Variants in CTNNA2 observed in about 807,000 individuals in gnomAD.
The protein encoded by CTNNA2 is catenin alpha 2.
Under a neutral mutation model 101.0 loss-of-function variants are expected in CTNNA2, and 42 were observed. The ratio of observed to expected loss-of-function variants is 0.42; its 90% confidence interval spans 0.32 to 0.54. The LOEUF (loss-of-function observed/expected upper bound fraction) is 0.54, where lower values mean the gene tolerates loss of function less well. CTNNA2 is among the 20% of genes least tolerant of loss of function. CTNNA2 has a pLI of 0.14. For synonymous variants in CTNNA2, 450 were observed against 456.4 expected (o/e 0.99, Z 0.18); for missense variants, 871 against 1,223.1 (o/e 0.71, Z 4.29).
intron 3 of CTNNA2, among the ~76,000 whole-genome samples, chr2:79,324,750 G>A (rs957139707): frequency 6.7e-6 from 1 of 149,742 alleles, no homozygotes; most frequent in African/African-American, 2.5e-5. Context: ...ACACACACAC[G>A]TACACACACT....
intron 18 of CTNNA2, among the ~76,000 whole-genome samples, chr2:80,637,491 GAGAGGAAGAA>G (rs986224791): frequency 6.6e-6 from 1 of 152,080 alleles, no homozygotes; most frequent in Non-Finnish European, 1.5e-5. Context: ...GAGTGCACAG[GAGAGGAAGAA>G]AGAGGTGGGG....
At chr2:80,507,834 G>A (rs1056838354) in intron 9 of CTNNA2, among the ~76,000 whole-genome samples, 4 of 152,142 alleles carry the variant, frequency 2.6e-5, no homozygotes, top group Non-Finnish European at 5.9e-5. Flanking sequence ...TATGAAGATG[G>A]AAACAAATTT....
At chr2:80,589,262 C>G (rs1696234307) in intron 14 of CTNNA2, 42 bp from the exon 15 acceptor site, 1 of 1,602,070 alleles carries the variant, frequency 6.2e-7, no homozygotes. Context: ...GTCTGTACTT[C>G]CTTTGTCACC....
intron 7 of CTNNA2, among the ~76,000 whole-genome samples, chr2:80,049,326 C>G (rs1028254553): frequency 6.6e-6 from 1 of 152,034 alleles, no homozygotes; most frequent in Non-Finnish European, 1.5e-5. Flanking sequence ...TGACATCAAC[C>G]GTCATCTGAA....
At chr2:79,736,107 T>C (rs952171648) in intron 2 of CTNNA2, among the ~76,000 whole-genome samples, 20 of 152,352 alleles carry the variant, frequency 1.3e-4, no homozygotes, top group Admixed American at 5.9e-4. Flanking sequence ...TAGTTTTTAA[T>C]GAAGCTGAAA....
chr2:80,025,502 G>C (rs916803022), intron 7 of CTNNA2, among the ~76,000 whole-genome samples: 5 of 152,202 alleles, frequency 3.3e-5, no homozygotes, highest in Non-Finnish European at 5.9e-5. Context: ...GGAAAAGGGA[G>C]CAGCTCATGC....
chr2:79,188,893 GTTAT>G (rs2104155588), intron 1 of CTNNA2, among the ~76,000 whole-genome samples: 1 of 152,278 alleles, frequency 6.6e-6, no homozygotes, highest in African/African-American at 2.4e-5. Context: ...AATACACAAT[GTTAT>G]TTATTTGATT....
intron 6 of CTNNA2, among the ~76,000 whole-genome samples, chr2:79,878,805 G>A (rs546767956): frequency 3.3e-5 from 5 of 152,234 alleles, no homozygotes; most frequent in African/African-American, 1.2e-4. Flanking sequence ...CTTTTGCTGT[G>A]CAGAAGCTCT....
At chr2:80,185,593 T>G (rs1213425055) in intron 7 of CTNNA2, among the ~76,000 whole-genome samples, 2 of 152,202 alleles carry the variant, frequency 1.3e-5, no homozygotes, top group South Asian at 2.1e-4. Flanking sequence ...TTCAGAGTCT[T>G]GAGCATGCTA....
chr2:79,413,551 T>C (rs1351664416), intron 4 of CTNNA2, among the ~76,000 whole-genome samples: 8 of 152,086 alleles, frequency 5.3e-5, no homozygotes, highest in Admixed American at 5.3e-4. Context: ...CTTTGACATA[T>C]TCATTTCATT....
chr2:79,554,761 A>G (rs924083259), intron 1 of CTNNA2, among the ~76,000 whole-genome samples: 1 of 152,200 alleles, frequency 6.6e-6, no homozygotes, highest in Non-Finnish European at 1.5e-5. Context: ...TTCCACAGAA[A>G]TGGAGGTTAT....
chr2:79,236,640 C>T (rs192012917), intron 2 of CTNNA2, among the ~76,000 whole-genome samples: 1 of 152,192 alleles, frequency 6.6e-6, no homozygotes, highest in African/African-American at 2.4e-5. Flanking sequence ...CTCTCCCAAA[C>T]CCTGACACTA....
At chr2:79,389,372 A>T (rs187370394) in intron 4 of CTNNA2, among the ~76,000 whole-genome samples, 1 of 152,320 alleles carries the variant, frequency 6.6e-6, no homozygotes, top group African/African-American at 2.4e-5. Flanking sequence ...TTAAATTTTC[A>T]TGAGACTAGA....
chr2:79,341,172 C>A (rs140534250), intron 3 of CTNNA2, among the ~76,000 whole-genome samples: 1 of 152,180 alleles, frequency 6.6e-6, no homozygotes, highest in East Asian at 1.9e-4. Context: ...TATTTCTGAT[C>A]GTGAGCACCA....
intron 4 of CTNNA2, among the ~76,000 whole-genome samples, chr2:79,493,040 T>C (rs921001386): frequency 6.6e-6 from 1 of 152,060 alleles, no homozygotes; most frequent in East Asian, 1.9e-4. Context: ...CAACAAACTA[T>C]GATTGGGAAA....
chr2:80,572,965 G>GA (rs1202175457), intron 12 of CTNNA2: 1 of 152,050 alleles, frequency 6.6e-6, no homozygotes, highest in African/African-American at 2.4e-5. Context: ...ATTTTTCCAG[G>GA]AATGTTTTAT....
intron 4 of CTNNA2, among the ~76,000 whole-genome samples, chr2:79,450,361 C>T (rs79913425): frequency 0.029 from 4,380 of 151,946 alleles, 189 homozygotes; most frequent in African/African-American, 0.093. Context: ...CTGAGTCAAC[C>T]CTCCCATGCT....
intron 2 of CTNNA2, among the ~76,000 whole-genome samples, chr2:79,295,682 T>C (rs976876600): frequency 6.6e-6 from 1 of 152,028 alleles, no homozygotes; most frequent in Non-Finnish European, 1.5e-5. Flanking sequence ...AGCTGGGGAA[T>C]GAAATAAAAA....
intron 3 of CTNNA2, among the ~76,000 whole-genome samples, chr2:79,344,118 C>G (rs1677201954): frequency 6.6e-6 from 1 of 152,096 alleles, no homozygotes; most frequent in African/African-American, 2.4e-5. Context: ...TTGTTTTCAA[C>G]TGGCACACTA....
Sources: gnomAD v4.1 joint callset for allele counts (sites outside exome capture counted in the v4.1 genomes callset) on GRCh38, gnomAD v4.1.1 for gene constraint, MANE v1.5 for transcripts, NCBI Gene and HGNC (gene_info 2026-07-23, HGNC 2026-07-21) for gene names.